TP53BP1: variants seen among roughly 807,000 people sequenced by gnomAD.
TP53BP1 encodes the protein tumor protein p53 binding protein 1.
TP53BP1 carries 61 observed loss-of-function variants against 200.8 expected under a neutral mutation model. That is an observed-to-expected ratio of 0.30 (90% CI 0.25 to 0.38). TP53BP1 has a LOEUF of 0.38. Among genes scored for constraint, TP53BP1 ranks in the 10% least tolerant of loss-of-function variants. The probability of loss-of-function intolerance (pLI) is 1.00; values close to 1 mark genes in which losing one functional copy is unlikely to be tolerated. For synonymous variants in TP53BP1, 822 were observed against 844.3 expected, an observed-to-expected ratio of 0.97 and a Z score of 0.46; for missense variants, 2,144 against 2,371.9, an observed-to-expected ratio of 0.90 and a Z score of 2.00.
Position 43,421,067 on chromosome 15 carries a change from C to T in TP53BP1, c.4208G>A (p.Arg1403His), listed in dbSNP as rs969434400. ...GGKAPVTPRG[R>H]GRRGRPPSRT... ...AGAAGGTGGGCGGCCCCTTCGCCCA[C>T]GCCCACGAGGCGTGACTGGAGCCTT... Residue 1403 changes from arginine (R) to histidine (H), a missense_variant, in exon 20 of 28, where the codon CGT becomes CAT. Coordinates refer to ENST00000382044, the MANE Select transcript of TP53BP1 (RefSeq NM_001141980.3). The T allele has an allele frequency of 2.0e-5, 33 of 1,614,066 alleles. No individual in the cohort carries two copies. Among genetic ancestry groups the T allele is most frequent in the Non-Finnish European group, 2.7e-5 (32 of 1,180,032 alleles).
At chr15:43,509,588 T>C (rs2079259910) in intron 1 of TP53BP1, among the ~76,000 whole-genome samples, 1 of 152,172 alleles carries the variant, frequency 6.6e-6, no homozygotes, top group African/African-American at 2.4e-5. Context: ...TTTGTATTTT[T>C]AATAGAGGCA....
intron 4 of TP53BP1, among the ~76,000 whole-genome samples, chr15:43,489,507 T>C (rs1448083824): frequency 1.3e-5 from 2 of 152,170 alleles, no homozygotes; most frequent in African/African-American, 4.8e-5. Context: ...CAGCTGGGTG[T>C]AAGAACAAAA....
chr15:43,447,489 A>T lies in TP53BP1; in HGVS notation c.2717-4T>A, dbSNP rs546609337. Reference sequence around the variant, plus strand: ...AAAGTGAAATGAAATGGGGTTTCTGAAAAAAAAAAAAAAAAGAAAAAAGAA... The same window carrying T: ...AAAGTGAAATGAAATGGGGTTTCTGTAAAAAAAAAAAAAAAGAAAAAAGAA... On this transcript the variant is annotated splice_polypyrimidine_tract_variant and splice_region_variant and intron_variant, in intron 12 of 27. Coordinates refer to ENST00000382044, the MANE Select transcript of TP53BP1 (RefSeq NM_001141980.3). 5.4e-5 allele frequency: 21 copies of T among 386,756 alleles called. No homozygotes were observed. Among genetic ancestry groups the T allele is most frequent in the South Asian group, 5.6e-5 (1 of 17,990 alleles). 24.0% of individuals were successfully genotyped at this position (386,756 alleles called of 1,614,324 possible).
chr15:43,496,748 T>A (rs113580287), upstream of TP53BP1, among the ~76,000 whole-genome samples: 19 of 151,856 alleles, frequency 1.3e-4, no homozygotes, highest in Non-Finnish European at 2.2e-4. Flanking sequence ...CTCAGCCTCC[T>A]GAGTAGCTAG....
intron 18 of TP53BP1, among the ~76,000 whole-genome samples, chr15:43,424,569 A>G (rs1398308531): frequency 2.6e-5 from 4 of 152,276 alleles, no homozygotes; most frequent in Non-Finnish European, 5.9e-5. Flanking sequence ...TATGTGCTCA[A>G]TAAACGCTAG....
intron 4 of TP53BP1, among the ~76,000 whole-genome samples, chr15:43,489,306 A>T (rs774505812): frequency 6.6e-6 from 1 of 152,258 alleles, no homozygotes; most frequent in Non-Finnish European, 1.5e-5. Flanking sequence ...ACATGAAAAG[A>T]AGTAGCATGA....
chr15:43,416,141 A>C, intron 22 of TP53BP1, 84 bp downstream of exon 22: 1 of 1,271,794 alleles, frequency 7.9e-7, no homozygotes, highest in East Asian at 2.3e-5. Flanking sequence ...AGTTAGGGAA[A>C]CATTACTGAC....
At chr15:43,488,881 T>C (rs1438973724) in intron 4 of TP53BP1, among the ~76,000 whole-genome samples, 7 of 151,846 alleles carry the variant, frequency 4.6e-5, no homozygotes, top group Admixed American at 3.3e-4. Flanking sequence ...GGAACAAGAG[T>C]GGGACTCCGT....
chr15:43,477,789 G>T (rs1434581897), intron 7 of TP53BP1, 30 bp from the exon 8 acceptor site: 5 of 1,469,202 alleles, frequency 3.4e-6, no homozygotes, highest in East Asian at 2.4e-5. Flanking sequence ...AGGAGAAAAA[G>T]TTCCTAAGTT....
Position 43,405,467 on chromosome 15 carries a change from T to C in TP53BP1, c.*1916A>G. On this transcript the variant is annotated 3_prime_UTR_variant, in exon 28 of 28. Coordinates refer to ENST00000382044, the MANE Select transcript of TP53BP1 (RefSeq NM_001141980.3). ...CTTTACATTGAGAACATTTGTTGGA[T>C]ATGTTCATTTATTCAATAGTCATTT... 5 of 560,792 alleles carry C rather than the reference T, an allele frequency of 8.9e-6. No individual in the cohort carries two copies. Among genetic ancestry groups the C allele is most frequent in the Admixed American group, 3.2e-5 (1 of 31,122 alleles). 34.7% of individuals were successfully genotyped at this position (560,792 alleles called of 1,614,324 possible). A position where few individuals can be genotyped will look rare whatever the true frequency, so the allele number is the denominator to read the frequency against.
chr15:43,447,314 AATG>A lies in TP53BP1; in HGVS notation c.2836+49_2836+51del, dbSNP rs760413567. The A allele has an allele frequency of 4.5e-6, 7 of 1,562,744 alleles. No homozygotes were observed. The Admixed American group carries it at 9.8e-5, about 22-fold the overall frequency. On this transcript the variant is annotated intron_variant, in intron 13 of 27. Coordinates refer to ENST00000382044, the MANE Select transcript of TP53BP1 (RefSeq NM_001141980.3). The stretch of plus-strand genomic sequence containing the variant: ...GATCTAAAATATCACTTGTGTAGAG[AATG>A]ATATCTCAGAAATTCTGCCTTAAAT...
chr15:43,446,707 G>C, intron 13 of TP53BP1, 117 bp from the exon 14 acceptor site: 2 of 1,536,894 alleles, frequency 1.3e-6, no homozygotes, highest in South Asian at 1.3e-5. Flanking sequence ...AGGATTGAAG[G>C]AGGTTCCTAG....
At position 43,469,951 on chromosome 15, in the gene TP53BP1, A is replaced by G. The variant is rs777473407; in HGVS notation, c.1296T>C (p.Thr432=). The change falls in exon 11 of 28, where the codon ACT becomes ACC. Residue 432 remains threonine, a synonymous_variant. Coordinates refer to ENST00000382044, the MANE Select transcript of TP53BP1 (RefSeq NM_001141980.3). ...LENPPLLPES[T]VSPQASTPIS... ...TTGGTGTTGAGGCTTGTGGTGATAC[A>G]GTGGACTCAGGCAGGAGAGGGGGGT... is the stretch of plus-strand genomic sequence containing the variant. 6.2e-7 allele frequency: 1 copy of G among 1,613,964 alleles called. No homozygotes were observed. The highest frequency in any genetic ancestry group is 1.3e-5 in the African/African-American group (1 of 74,930).
chr15:43,420,596 G>A lies in TP53BP1; in HGVS notation c.4390C>T (p.Arg1464Cys). ...RTDVGAGALR[R>C]SDSPEIPFQA... ...AAAGGAATTTCTGGAGAGTCACTAC[G>A]ACGCAAAGCACCAGCACCCACATCT... is the stretch of plus-strand genomic sequence containing the variant. The change falls in exon 21 of 28, where the codon CGT becomes TGT. Residue 1464 changes from arginine to cysteine, a missense_variant. Physicochemically the swap from Arg to Cys is radical, Grantham distance 180. This residue lies in a region of TP53BP1 where 49 missense variants were observed against 60.7 expected (regional missense o/e 0.81). Coordinates refer to ENST00000382044, the MANE Select transcript of TP53BP1 (RefSeq NM_001141980.3). 1.9e-6 allele frequency: 3 copies of A among 1,614,122 alleles called. No individual in the cohort carries two copies. The highest frequency in any genetic ancestry group is 1.6e-4 in the Middle Eastern group (1 of 6,062).
intron 11 of TP53BP1, among the ~76,000 whole-genome samples, chr15:43,463,796 G>C (rs1342111519): frequency 5.3e-5 from 8 of 152,130 alleles, no homozygotes; most frequent in Non-Finnish European, 1.5e-5. Context: ...GAGTAAAACA[G>C]AGTGTCCCAG....
At chr15:43,484,714 A>T (rs1182736426) in intron 4 of TP53BP1, among the ~76,000 whole-genome samples, 1 of 150,460 alleles carries the variant, frequency 6.6e-6, no homozygotes, top group East Asian at 1.9e-4. Context: ...CATGGATTAC[A>T]CTTATCCCAG....
At chr15:43,477,178 T>C (rs1241020018) in intron 8 of TP53BP1, among the ~76,000 whole-genome samples, 1 of 151,828 alleles carries the variant, frequency 6.6e-6, no homozygotes, top group Non-Finnish European at 1.5e-5. Context: ...CGGGTGCCTG[T>C]AGTCCCAGCT....
At chr15:43,494,536 A>G (rs1369206363), upstream of TP53BP1, among the ~76,000 whole-genome samples, 1 of 152,222 alleles carries the variant, frequency 6.6e-6, no homozygotes, top group East Asian at 1.9e-4. Context: ...GTGGAGCTAA[A>G]ATGAAATGGA....
chr15:43,447,121 A>G (rs2143005425), intron 13 of TP53BP1: 1 of 489,928 alleles, frequency 2.0e-6, no homozygotes, highest in East Asian at 4.2e-5. Context: ...TGCAAGTAAT[A>G]AGATAAAATT....
Sources: gnomAD v4.1 joint callset for allele counts (sites outside exome capture counted in the v4.1 genomes callset) on GRCh38, gnomAD v4.1.1 for gene constraint, gnomAD v4.1.1 regional missense constraint, MANE v1.5 for transcripts, NCBI Gene and HGNC (gene_info 2026-07-23, HGNC 2026-07-21) for gene names.